CERS3: variants seen among roughly 807,000 people sequenced by gnomAD.
The protein encoded by CERS3 is LAG1 homolog, ceramide synthase 3.
CERS3 carries 33 observed loss-of-function variants against 50.3 expected under a neutral mutation model. The ratio of observed to expected loss-of-function variants is 0.66; its 90% CI spans 0.50 to 0.88. CERS3 has a LOEUF of 0.88. Among genes scored for constraint, CERS3 ranks in the 40% least tolerant of loss-of-function variants. CERS3 has a pLI of 0.00. For missense variants in CERS3, 470 were observed against 460.3 expected, an observed-to-expected ratio of 1.02 and a Z score of -0.19; for synonymous variants, 176 against 155.2, an observed-to-expected ratio of 1.13 and a Z score of -0.99.
At chr15:100,476,385 C>T (rs117213881) in intron 7 of CERS3, among the ~76,000 whole-genome samples, 2 of 152,156 alleles carry the variant, frequency 1.3e-5, no homozygotes, top group East Asian at 1.9e-4. Context: ...ACAAGTATTC[C>T]AAACCCAAGT....
intron 2 of CERS3, among the ~76,000 whole-genome samples, chr15:100,509,394 C>A (rs937189723): frequency 1.3e-5 from 2 of 152,184 alleles, no homozygotes; most frequent in Non-Finnish European, 2.9e-5. Context: ...TCATCCAATT[C>A]ATACTGTAAA....
chr15:100,510,432 C>CAAAA (rs1043362746), intron 2 of CERS3, among the ~76,000 whole-genome samples: 1 of 150,422 alleles, frequency 6.6e-6, no homozygotes, highest in African/African-American at 2.4e-5. Context: ...AATAGAGTTT[C>CAAAA]AAAAAAAAAG....
intron 2 of CERS3, among the ~76,000 whole-genome samples, chr15:100,521,025 T>A (rs2036623927): frequency 6.6e-6 from 1 of 152,188 alleles, no homozygotes; most frequent in Non-Finnish European, 1.5e-5. Context: ...ACAACAATAA[T>A]AATTATGCAT....
At chr15:100,517,368 A>T (rs2036521723) in intron 2 of CERS3, among the ~76,000 whole-genome samples, 2 of 152,096 alleles carry the variant, frequency 1.3e-5, no homozygotes, top group Non-Finnish European at 2.9e-5. Flanking sequence ...ATTTCCTACA[A>T]TACCCTGATC....
intron 11 of CERS3, among the ~76,000 whole-genome samples, chr15:100,406,269 A>G (rs1000191670): frequency 1.3e-5 from 2 of 152,226 alleles, no homozygotes; most frequent in African/African-American, 2.4e-5. Context: ...CCAGCTTAGA[A>G]AAGAAAAAAA....
At position 100,499,573 on chromosome 15, in the gene CERS3, T is replaced by C. The variant is rs182063089; in HGVS notation, c.173+2104A>G. Among the ~76,000 whole-genome samples the C allele has an allele frequency of 2.0e-5, 3 of 152,342 alleles. No homozygotes were observed. The East Asian group carries it at 5.8e-4, about 29-fold the overall frequency. ...CTTGGCTAGTACTAAAGGACAATAA[T>C]GAACCAGCCAAATCACAACTCTTGG... On this transcript the variant is annotated intron_variant, in intron 3 of 11. Coordinates refer to ENST00000679737, the MANE Select transcript of CERS3 (RefSeq NM_001378789.1).
chr15:100,495,888 C>G (rs1380105061), intron 3 of CERS3, among the ~76,000 whole-genome samples: 2 of 152,146 alleles, frequency 1.3e-5, no homozygotes, highest in African/African-American at 4.8e-5. Context: ...TATGAATCAG[C>G]CTTAGAACAT....
chr15:100,446,876 G>C (rs927766471), intron 11 of CERS3, among the ~76,000 whole-genome samples: 1 of 152,042 alleles, frequency 6.6e-6, no homozygotes, highest in Admixed American at 6.6e-5. Context: ...TGGAATCCAG[G>C]CACAGCTGAC....
intron 2 of CERS3, among the ~76,000 whole-genome samples, chr15:100,510,664 G>T (rs938189153): frequency 6.6e-6 from 1 of 152,134 alleles, no homozygotes; most frequent in Non-Finnish European, 1.5e-5. Flanking sequence ...ACATAGGGGT[G>T]GAATTGATTT....
At chr15:100,441,445 C>T (rs2033679444) in intron 11 of CERS3, among the ~76,000 whole-genome samples, 2 of 151,340 alleles carry the variant, frequency 1.3e-5, no homozygotes, top group African/African-American at 4.9e-5. Flanking sequence ...CAACCCCTTT[C>T]TCGCTTTTCT....
intron 11 of CERS3, among the ~76,000 whole-genome samples, chr15:100,403,686 T>A (rs1472093440): frequency 6.6e-6 from 1 of 152,204 alleles, no homozygotes; most frequent in Non-Finnish European, 1.5e-5. Context: ...TACTAAAACT[T>A]GCCCCAGCCG....
intron 11 of CERS3, among the ~76,000 whole-genome samples, chr15:100,444,063 TAC>T (rs1374709284): frequency 1.3e-5 from 2 of 152,160 alleles, no homozygotes; most frequent in Non-Finnish European, 2.9e-5. Flanking sequence ...TCAGAATTCT[TAC>T]ACAGGGACCA....
intron 4 of CERS3, 175 bp downstream of exon 4, chr15:100,490,642 A>G (rs2035622359): frequency 1.9e-6 from 1 of 537,694 alleles, no homozygotes; most frequent in South Asian, 2.7e-5. Flanking sequence ...CATATGTATC[A>G]CACTTGGGAT....
intron 10 of CERS3, among the ~76,000 whole-genome samples, chr15:100,459,851 C>G (rs2034492749): frequency 6.6e-6 from 1 of 151,970 alleles, no homozygotes; most frequent in Non-Finnish European, 1.5e-5. Flanking sequence ...TGTATAGTGA[C>G]TATATATATT....
At chr15:100,444,772 G>T (rs1030130961) in intron 11 of CERS3, among the ~76,000 whole-genome samples, 1 of 152,082 alleles carries the variant, frequency 6.6e-6, no homozygotes, top group African/African-American at 2.4e-5. Context: ...AATACCTCTT[G>T]GTTTAGGTAG....
At chr15:100,451,929 A>C (rs781203345) in intron 11 of CERS3, among the ~76,000 whole-genome samples, 17 of 152,208 alleles carry the variant, frequency 1.1e-4, no homozygotes, top group Non-Finnish European at 1.8e-4. Flanking sequence ...CTCAGCAAGA[A>C]ATACAATTCT....
At chr15:100,488,165 T>C (rs1341950689) in intron 4 of CERS3, among the ~76,000 whole-genome samples, 2 of 152,168 alleles carry the variant, frequency 1.3e-5, no homozygotes, top group Non-Finnish European at 2.9e-5. Flanking sequence ...CTGAGGCTCA[T>C]GTGTATAGTA....
intron 2 of CERS3, among the ~76,000 whole-genome samples, chr15:100,504,645 A>T (rs1281007802): frequency 6.6e-6 from 1 of 152,186 alleles, no homozygotes; most frequent in Non-Finnish European, 1.5e-5. Flanking sequence ...AAAGATAATC[A>T]ACAAAGACTT....
At chr15:100,450,006 CA>C in intron 11 of CERS3, among the ~76,000 whole-genome samples, 1 of 152,060 alleles carries the variant, frequency 6.6e-6, no homozygotes, top group South Asian at 2.1e-4. Context: ...AAAAACAATT[CA>C]TAATGTGAAT....
Sources: allele counts gnomAD v4.1 joint callset (sites outside exome capture counted in the v4.1 genomes callset), GRCh38; gene constraint gnomAD v4.1.1; transcripts MANE v1.5; gene names NCBI Gene and HGNC (gene_info 2026-07-23, HGNC 2026-07-21).